The following CAMK2D variants were observed in gnomAD, a reference collection of about 807,000 sequenced individuals.
CAMK2D encodes calcium/calmodulin dependent protein kinase II delta, also known as calcium/calmodulin-dependent protein kinase type II subunit delta.
A neutral mutation model predicts 84.0 loss-of-function variants in CAMK2D; 37 were observed. That is an observed-to-expected ratio of 0.44 (90% CI 0.34 to 0.58). The LOEUF is 0.58. Ranked by LOEUF, CAMK2D falls within the 20% of genes least tolerant of loss-of-function variation. CAMK2D has a pLI of 0.02. For missense variants in CAMK2D, 448 were observed against 652.5 expected (o/e 0.69, Z 3.41); for synonymous variants, 202 against 212.5 (o/e 0.95, Z 0.43).
At chr4:113,689,500 C>A (rs142120190) in intron 2 of CAMK2D, among the ~76,000 whole-genome samples, 1 of 152,168 alleles carries the variant, frequency 6.6e-6, no homozygotes, top group African/African-American at 2.4e-5. Flanking sequence ...GTCTCTCCAA[C>A]CTTATTTTAT....
At chr4:113,480,447 C>T (rs535682969) in intron 16 of CAMK2D, among the ~76,000 whole-genome samples, 11 of 152,146 alleles carry the variant, frequency 7.2e-5, no homozygotes, top group South Asian at 6.2e-4. Context: ...TGAATGTATG[C>T]GTCCCTACAA....
chr4:113,530,739 G>A (rs1032497129), intron 8 of CAMK2D, among the ~76,000 whole-genome samples: 2 of 152,100 alleles, frequency 1.3e-5, no homozygotes, highest in Non-Finnish European at 2.9e-5. Context: ...ACCAGACACC[G>A]AATCTCCTGG....
chr4:113,639,393 A>G (rs1227691978), intron 3 of CAMK2D, among the ~76,000 whole-genome samples: 1 of 152,196 alleles, frequency 6.6e-6, no homozygotes, highest in African/African-American at 2.4e-5. Flanking sequence ...AAAGTGAATG[A>G]GGTCCCTAAG....
At chr4:113,593,656 T>C (rs2098905959) in intron 4 of CAMK2D, among the ~76,000 whole-genome samples, 1 of 152,178 alleles carries the variant, frequency 6.6e-6, no homozygotes. Flanking sequence ...GAGAATGCTG[T>C]TTGTCTTAAC....
chr4:113,676,623 A>C (rs893922619), intron 2 of CAMK2D, among the ~76,000 whole-genome samples: 3 of 152,328 alleles, frequency 2.0e-5, no homozygotes, highest in Admixed American at 1.3e-4. Context: ...GGTACTTGAA[A>C]AACAGCAGGT....
chr4:113,516,828 A>G (rs904298908), intron 9 of CAMK2D, among the ~76,000 whole-genome samples: 6 of 152,144 alleles, frequency 3.9e-5, no homozygotes, highest in Admixed American at 3.9e-4. Flanking sequence ...GGATTTCCAT[A>G]GGGCTGTATG....
chr4:113,663,284 T>C (rs1592680073), intron 2 of CAMK2D, among the ~76,000 whole-genome samples: 4 of 152,302 alleles, frequency 2.6e-5, no homozygotes, highest in Admixed American at 2.6e-4. Flanking sequence ...CAAAGTGTTA[T>C]ACCTAAAGTA....
At chr4:113,458,899 G>A (rs2097337027) in intron 18 of CAMK2D, among the ~76,000 whole-genome samples, 1 of 152,108 alleles carries the variant, frequency 6.6e-6, no homozygotes, top group Non-Finnish European at 1.5e-5. Context: ...AATGCAAGAT[G>A]CAAACACAGC....
chr4:113,748,645 C>A (rs2099610207), intron 2 of CAMK2D, among the ~76,000 whole-genome samples: 4 of 151,908 alleles, frequency 2.6e-5, no homozygotes, highest in Admixed American at 2.6e-4. Flanking sequence ...AAAAGATTTG[C>A]AGTACATAGG....
chr4:113,701,719 T>G (rs1342427673), intron 2 of CAMK2D, among the ~76,000 whole-genome samples: 2 of 150,474 alleles, frequency 1.3e-5, no homozygotes, highest in Non-Finnish European at 3.0e-5. Context: ...TGTTGTTTTG[T>G]TTTTTTTTGA....
chr4:113,696,159 C>T (rs746156247), intron 2 of CAMK2D, among the ~76,000 whole-genome samples: 18 of 150,012 alleles, frequency 1.2e-4, no homozygotes, highest in Admixed American at 7.4e-4. Context: ...AAAATTGCAA[C>T]GCACACCACT....
rs527350723 is a variant in CAMK2D, at chr4:113,505,110, CTACA to C, written c.985-79_985-76del. 5.0e-5 allele frequency: 39 copies of C among 782,998 alleles called. No homozygotes were observed. The East Asian group carries it at 1.1e-3, about 22-fold the overall frequency. The allele number at this position is 782,998 out of a possible 1,614,324, so 48.5% of individuals were successfully genotyped here. A position where few individuals can be genotyped will look rare whatever the true frequency, so the allele number is the denominator to read the frequency against. On this transcript the variant is annotated intron_variant, in intron 13 of 20. Transcript: ENST00000511664. Reference sequence around the variant, plus strand: ...GCCAATGTCTCTAGATGCAGCATGTCTACATAGAGATGTAGACATGAAGATAAAG... The same window carrying C: ...GCCAATGTCTCTAGATGCAGCATGTCTAGAGATGTAGACATGAAGATAAAG...
intron 3 of CAMK2D, among the ~76,000 whole-genome samples, chr4:113,619,072 G>A (rs983840568): frequency 6.6e-6 from 1 of 152,086 alleles, no homozygotes; most frequent in Non-Finnish European, 1.5e-5. Context: ...CAAAGAACTC[G>A]TGATCGTCCC....
intron 16 of CAMK2D, among the ~76,000 whole-genome samples, chr4:113,468,681 A>G (rs556744444): frequency 6.6e-6 from 1 of 151,016 alleles, no homozygotes; most frequent in Admixed American, 6.8e-5. Context: ...TGGACAGACA[A>G]GTTGTGTGGG....
chr4:113,537,524 G>T (rs1218872494), intron 6 of CAMK2D, 81 bp from the exon 7 acceptor site: 7 of 799,734 alleles, frequency 8.8e-6, no homozygotes, highest in African/African-American at 8.7e-5. Flanking sequence ...CATTTTACAG[G>T]ATTAGGGGGA....
intron 2 of CAMK2D, among the ~76,000 whole-genome samples, chr4:113,692,163 G>A (rs2099388906): frequency 6.6e-6 from 1 of 152,148 alleles, no homozygotes; most frequent in Admixed American, 6.6e-5. Context: ...GTCTGCAGAA[G>A]AGTTCTCAAC....
chr4:113,681,567 A>T (rs2099346022), intron 2 of CAMK2D, among the ~76,000 whole-genome samples: 2 of 152,182 alleles, frequency 1.3e-5, no homozygotes, highest in Admixed American at 6.5e-5. Context: ...TATACTGTAT[A>T]TTCTTCATTT....
At chr4:113,626,939 C>T (rs1418301306) in intron 3 of CAMK2D, among the ~76,000 whole-genome samples, 1 of 152,086 alleles carries the variant, frequency 6.6e-6, no homozygotes, top group Admixed American at 6.6e-5. Flanking sequence ...GGAATTCAGA[C>T]ACAAATTCAA....
At chr4:113,748,332 G>T (rs762785355) in intron 2 of CAMK2D, among the ~76,000 whole-genome samples, 5 of 151,576 alleles carry the variant, frequency 3.3e-5, no homozygotes, top group Non-Finnish European at 5.9e-5. Context: ...TTAGAATCAC[G>T]CTCCTTAAAA....
Sources: allele counts gnomAD v4.1 joint callset (sites outside exome capture counted in the v4.1 genomes callset), GRCh38; gene constraint gnomAD v4.1.1; transcripts MANE v1.5; gene names NCBI Gene and HGNC (gene_info 2026-07-23, HGNC 2026-07-21).